Variants in ANKRD36 observed in about 807,000 individuals in gnomAD.
ANKRD36 encodes the protein ankyrin repeat domain-containing protein 36A.
A neutral mutation model predicts 278.1 loss-of-function variants in ANKRD36; 179 were observed. That is an observed-to-expected ratio of 0.64 (90% confidence interval 0.57 to 0.73). The LOEUF (loss-of-function observed/expected upper bound fraction) is 0.73. ANKRD36 is among the 30% of genes least tolerant of loss of function. The probability of loss-of-function intolerance (pLI) is 0.00; values close to 1 mark genes in which losing one functional copy is unlikely to be tolerated. For missense variants in ANKRD36, 1,159 were observed against 1,956.7 expected (o/e 0.59, Z 7.69); for synonymous variants, 320 against 641.1 (o/e 0.50, Z 7.57).
chr2:97,126,316 T>TGTAGAGAA (rs2038635293), intron 5 of ANKRD36, among the ~76,000 whole-genome samples: 1 of 147,164 alleles, frequency 6.8e-6, no homozygotes, highest in East Asian at 2.0e-4. Flanking sequence ...AGTTAGAGTC[T>TGTAGAGAA]GTAGAGAAGT....
chr2:97,230,431 G>A (rs533823701), intron 67 of ANKRD36, among the ~76,000 whole-genome samples: 7 of 152,094 alleles, frequency 4.6e-5, no homozygotes, highest in African/African-American at 7.2e-5. Flanking sequence ...TGATTGCATC[G>A]GCTCCTGAGG....
Position 97,144,730 on chromosome 2 carries a change from A to C in ANKRD36, c.1003+18A>C. On this transcript the variant is annotated intron_variant, in intron 10 of 75. Transcript: ENST00000420699. The stretch of plus-strand genomic sequence containing the variant: ...TGGGACAGGTAATTTTGCAATACAC[A>C]TTTAATGCCATGTACAGTCAAGATA... 6.5e-7 allele frequency: 1 copy of C among 1,543,244 alleles called. No homozygotes were observed. The highest frequency in any genetic ancestry group is 1.2e-5 in the South Asian group (1 of 83,854).
chr2:97,159,070 A>T (rs989515219), intron 17 of ANKRD36, among the ~76,000 whole-genome samples: 6 of 152,056 alleles, frequency 3.9e-5, no homozygotes, highest in African/African-American at 1.4e-4. Flanking sequence ...AAGATGACAA[A>T]GATTAGTATA....
At chr2:97,154,881 A>G in intron 15 of ANKRD36, 140 bp downstream of exon 15, 1 of 689,310 alleles carries the variant, frequency 1.5e-6, no homozygotes, top group Non-Finnish European at 2.2e-6. Context: ...AGAGATAACC[A>G]TTTTAAAGAA....
intron 58 of ANKRD36, among the ~76,000 whole-genome samples, chr2:97,212,545 G>A (rs1302271046): frequency 2.6e-5 from 4 of 151,926 alleles, no homozygotes; most frequent in African/African-American, 9.7e-5. Context: ...AACTTCTTTA[G>A]AGAATAGCAT....
At chr2:97,133,933 A>AC (rs2040828274) in intron 6 of ANKRD36, among the ~76,000 whole-genome samples, 1 of 151,440 alleles carries the variant, frequency 6.6e-6, no homozygotes, top group Non-Finnish European at 1.5e-5. Context: ...CATAATAATC[A>AC]CCCAAAGTCC....
Position 97,113,997 on chromosome 2 carries a change from T to C in ANKRD36, c.197+61T>C, listed in dbSNP as rs2034364098. 3.8e-6 allele frequency: 6 copies of C among 1,566,334 alleles called. No individual in the cohort carries two copies. The Admixed American group carries it at 5.8e-5, about 15-fold the overall frequency. On this transcript the variant is annotated intron_variant, in intron 1 of 75. Transcript: ENST00000420699. ...GCCTGTGGATGTGGAGAAGTACCCC[T>C]TTCCAGGCTGAGGGCTGCGGGGCGG...
chr2:97,255,062 AT>A (rs1284398902), intron 75 of ANKRD36, among the ~76,000 whole-genome samples: 1 of 70,692 alleles, frequency 1.4e-5, no homozygotes, highest in Admixed American at 1.8e-4. Flanking sequence ...ACAAGCATGA[AT>A]TTTTTTTTCA....
intron 22 of ANKRD36, among the ~76,000 whole-genome samples, chr2:97,173,401 T>C (rs2053228215): frequency 2.0e-5 from 3 of 151,642 alleles, no homozygotes; most frequent in South Asian, 2.1e-4. Context: ...CTCAAACCGA[T>C]GTGAGTGAAG....
At chr2:97,200,383 A>G (rs770436007) in intron 45 of ANKRD36, 21 bp downstream of exon 45, 12 of 1,604,804 alleles carry the variant, frequency 7.5e-6, no homozygotes, top group African/African-American at 4.0e-5. Context: ...TCTCATTCAT[A>G]TTGTGAGCTA....
At chr2:97,181,003 T>A (rs201569866) in intron 24 of ANKRD36, among the ~76,000 whole-genome samples, 1 of 151,716 alleles carries the variant, frequency 6.6e-6, no homozygotes, top group Non-Finnish European at 1.5e-5. Flanking sequence ...GATACAAGAA[T>A]CTTAGGCAAA....
chr2:97,184,393 C>T (rs989412513), intron 28 of ANKRD36, among the ~76,000 whole-genome samples: 2 of 151,472 alleles, frequency 1.3e-5, no homozygotes, highest in Non-Finnish European at 2.9e-5. Context: ...ATTATATTAG[C>T]TTTTTTCCAA....
chr2:97,222,349 T>C (rs1476703891), intron 66 of ANKRD36, among the ~76,000 whole-genome samples: 3 of 152,078 alleles, frequency 2.0e-5, no homozygotes, highest in Non-Finnish European at 4.4e-5. Flanking sequence ...TACCTAGCAA[T>C]GGGATTGCTG....
intron 67 of ANKRD36, among the ~76,000 whole-genome samples, chr2:97,226,194 C>T (rs1270047266): frequency 6.6e-5 from 10 of 151,290 alleles, no homozygotes; most frequent in East Asian, 2.0e-4. Context: ...CCTGAGGAAT[C>T]GCCACACTGA....
chr2:97,142,911 G>A (rs2043285699), intron 8 of ANKRD36, 76 bp downstream of exon 8: 1 of 1,454,160 alleles, frequency 6.9e-7, no homozygotes, highest in Admixed American at 2.5e-5. Flanking sequence ...TAAATCGCAG[G>A]GAGCTCATTG....
At chr2:97,202,459 T>G (rs1376020089) in intron 48 of ANKRD36, 66 bp downstream of exon 48, 1 of 1,535,442 alleles carries the variant, frequency 6.5e-7, no homozygotes, top group South Asian at 1.2e-5. Context: ...CTTCCCCAAA[T>G]AAATCAGCGG....
chr2:97,260,567 A>C (rs1330486237), intron 75 of ANKRD36, among the ~76,000 whole-genome samples: 1 of 109,304 alleles, frequency 9.1e-6, no homozygotes, highest in Non-Finnish European at 1.7e-5. Flanking sequence ...ATAGGTTTAG[A>C]AGAACTTAAA....
At chr2:97,141,152 G>T (rs1347802258) in intron 6 of ANKRD36, among the ~76,000 whole-genome samples, 2 of 150,752 alleles carry the variant, frequency 1.3e-5, no homozygotes, top group African/African-American at 4.9e-5. Flanking sequence ...TATCAAACTA[G>T]CTTTAGAAAC....
rs779199183 is a variant in ANKRD36, at chr2:97,181,597, G to A, written c.1736-1G>A. On this transcript the variant is annotated splice_acceptor_variant, in intron 24 of 75. Coordinates refer to ENST00000420699, the MANE Select transcript of ANKRD36 (RefSeq NM_001354587.1). LOFTEE classifies it high-confidence loss of function. ...GATTATGTTTCCCTTTTGCTTTTCA[G>A]TGTCTTCTCAGAAACAACCAGCTGA... The A allele has an allele frequency of 6.2e-7, 1 of 1,603,308 alleles. No individual in the cohort carries two copies.
Sources: allele counts gnomAD v4.1 joint callset (sites outside exome capture counted in the v4.1 genomes callset), GRCh38; gene constraint gnomAD v4.1.1; transcripts MANE v1.5; gene names NCBI Gene and HGNC (gene_info 2026-07-23, HGNC 2026-07-21).